The following CTNNA2 variants were observed in gnomAD, a reference collection of about 807,000 sequenced individuals.
CTNNA2 encodes the protein catenin alpha-2.
Under a neutral mutation model 101.0 loss-of-function variants are expected in CTNNA2, and 42 were observed. The ratio of observed to expected loss-of-function variants is 0.42; its 90% CI spans 0.32 to 0.54. The LOEUF is 0.54. Among genes scored for constraint, CTNNA2 ranks in the 20% least tolerant of loss-of-function variants. The pLI is 0.14. For synonymous variants in CTNNA2, 450 were observed against 456.4 expected (o/e 0.99, Z 0.18); for missense variants, 871 against 1,223.1 (o/e 0.71, Z 4.29).
rs187536130 is a variant in CTNNA2 at position 79,294,617 on chromosome 2, A to T, written c.-405-18092A>T. On this transcript the variant is annotated intron_variant, in intron 2 of 21. Transcript: ENST00000466387. ...TACCAAATAGAGACTTTGGGTTAAA[A>T]TATAAGTGGTGTCTATTTTATAGAT... Among the ~76,000 whole-genome samples, 10 of 152,284 alleles carry T rather than the reference A, an allele frequency of 6.6e-5. No homozygotes were observed. The East Asian group carries it at 1.9e-3, about 29-fold the overall frequency.
At chr2:80,342,725 C>T (rs1326755821) in intron 7 of CTNNA2, among the ~76,000 whole-genome samples, 5 of 152,008 alleles carry the variant, frequency 3.3e-5, no homozygotes, top group Admixed American at 1.3e-4. Flanking sequence ...TTTGTTTACT[C>T]ATTTAATGTT....
intron 7 of CTNNA2, among the ~76,000 whole-genome samples, chr2:80,161,132 C>T (rs1444045420): frequency 2.0e-5 from 3 of 152,014 alleles, no homozygotes; most frequent in Non-Finnish European, 2.9e-5. Context: ...GAAACCTCCC[C>T]GCCTCCTGGA....
At chr2:80,092,218 G>C (rs1699834105) in intron 7 of CTNNA2, among the ~76,000 whole-genome samples, 1 of 152,122 alleles carries the variant, frequency 6.6e-6, no homozygotes, top group African/African-American at 2.4e-5. Context: ...GAACAAGGCA[G>C]TTCAGCCGTT....
At chr2:79,909,872 G>C (rs1209537583) in intron 7 of CTNNA2, 75 bp downstream of exon 7, 2 of 1,425,048 alleles carry the variant, frequency 1.4e-6, no homozygotes, top group Non-Finnish European at 1.9e-6. Context: ...TGGAAGCATA[G>C]ATAGCAGGAA....
chr2:80,203,488 G>A (rs1375939390), intron 7 of CTNNA2, among the ~76,000 whole-genome samples: 1 of 152,230 alleles, frequency 6.6e-6, no homozygotes, highest in Non-Finnish European at 1.5e-5. Flanking sequence ...AAATCCAGCA[G>A]GGTAGTTAAA....
chr2:79,328,624 A>C (rs1191335748), intron 3 of CTNNA2, among the ~76,000 whole-genome samples: 1 of 152,176 alleles, frequency 6.6e-6, no homozygotes, highest in Non-Finnish European at 1.5e-5. Flanking sequence ...GAAAAACACT[A>C]TTCAATGAGG....
intron 5 of CTNNA2, among the ~76,000 whole-genome samples, chr2:79,506,091 T>G (rs985256593): frequency 6.6e-6 from 1 of 152,200 alleles, no homozygotes. Flanking sequence ...ATTAGTTCAG[T>G]GGCATTTATA....
chr2:80,321,371 C>T (rs1033607313), intron 7 of CTNNA2, among the ~76,000 whole-genome samples: 3 of 152,108 alleles, frequency 2.0e-5, no homozygotes, highest in African/African-American at 7.2e-5. Context: ...TGAGGATGTT[C>T]TGGACGAAGT....
At chr2:80,191,434 T>C (rs1706494389) in intron 7 of CTNNA2, among the ~76,000 whole-genome samples, 1 of 152,228 alleles carries the variant, frequency 6.6e-6, no homozygotes, top group African/African-American at 2.4e-5. Flanking sequence ...CTAGTTAAGA[T>C]GTAATCCCTG....
At chr2:80,068,295 G>T (rs898352999) in intron 7 of CTNNA2, among the ~76,000 whole-genome samples, 2 of 152,168 alleles carry the variant, frequency 1.3e-5, no homozygotes, top group South Asian at 4.1e-4. Flanking sequence ...TGCACTAAGT[G>T]CTTTGAAGTA....
intron 7 of CTNNA2, among the ~76,000 whole-genome samples, chr2:80,226,249 A>G (rs992348214): frequency 4.6e-5 from 7 of 152,188 alleles, no homozygotes; most frequent in African/African-American, 1.4e-4. Context: ...ATTTCATTCT[A>G]TGTTCAATTA....
rs1400350630 is a variant in CTNNA2, at chr2:79,394,786, AATT to A, written c.-135+20774_-135+20776del. Among the ~76,000 whole-genome samples, 3 of 109,496 alleles carry A rather than the reference AATT, an allele frequency of 2.7e-5. No homozygotes were observed. The Admixed American group carries it at 2.8e-4, about 10-fold the overall frequency. 71.8% of individuals were successfully genotyped at this position (109,496 alleles called of 152,430 possible). Reference sequence around the variant, plus strand: ...AAAGAGCTTTCGTTTTACTTAAAAAAATTTTTTTTGTATGCTAAATGTAAAAAA... The same window carrying A: ...AAAGAGCTTTCGTTTTACTTAAAAAATTTTTTGTATGCTAAATGTAAAAAA... On this transcript the variant is annotated intron_variant, in intron 4 of 21. Coordinates refer to the CTNNA2 transcript ENST00000466387.
At chr2:80,185,269 G>A (rs1373103009) in intron 7 of CTNNA2, among the ~76,000 whole-genome samples, 2 of 152,186 alleles carry the variant, frequency 1.3e-5, no homozygotes, top group East Asian at 3.9e-4. Flanking sequence ...CTGTAGGTCA[G>A]CTCGCAACAT....
Position 80,396,784 on chromosome 2 carries a change from TA to T in CTNNA2, c.1137+3494del, listed in dbSNP as rs753717026. Among the ~76,000 whole-genome samples, 8 of 152,314 alleles carry T rather than the reference TA, an allele frequency of 5.3e-5. No homozygotes were observed. In the Middle Eastern group the frequency reaches 0.01, roughly 194 times the overall value. ...TATGACATTGCAATGTTGCTAAACTTAGCAACTCTTTCACTCCCCAAACAAA... is the reference window on the plus strand; with the variant it reads ...TATGACATTGCAATGTTGCTAAACTTGCAACTCTTTCACTCCCCAAACAAA... On this transcript the variant is annotated intron_variant, in intron 8 of 18. Transcript: ENST00000402739.
chr2:79,649,611 A>C (rs1243991232), intron 1 of CTNNA2, among the ~76,000 whole-genome samples: 4 of 152,208 alleles, frequency 2.6e-5, no homozygotes, highest in Non-Finnish European at 5.9e-5. Flanking sequence ...TGTATATGAC[A>C]GAGCTGCTCT....
chr2:80,305,182 G>A, intron 7 of CTNNA2: 1 of 985,356 alleles, frequency 1.0e-6, no homozygotes, highest in Non-Finnish European at 1.2e-6. Flanking sequence ...GATTTTTGGG[G>A]TTTTTTCCCC....
chr2:79,731,463 C>T (rs1687189302), intron 2 of CTNNA2, among the ~76,000 whole-genome samples: 1 of 152,136 alleles, frequency 6.6e-6, no homozygotes, highest in Non-Finnish European at 1.5e-5. Context: ...TTGATAATCC[C>T]TCTGCAAAAC....
At chr2:79,436,589 C>T (rs1355574673) in intron 4 of CTNNA2, among the ~76,000 whole-genome samples, 1 of 151,996 alleles carries the variant, frequency 6.6e-6, no homozygotes, top group Non-Finnish European at 1.5e-5. Context: ...GTGTAGTCAG[C>T]TCTGGTTTAA....
intron 7 of CTNNA2, among the ~76,000 whole-genome samples, chr2:80,236,925 A>G (rs1047785771): frequency 6.6e-6 from 1 of 152,146 alleles, no homozygotes; most frequent in Non-Finnish European, 1.5e-5. Context: ...GCTTTTTCAA[A>G]CCTCTGTTTT....
Sources: gnomAD v4.1 joint callset for allele counts (sites outside exome capture counted in the v4.1 genomes callset) on GRCh38, gnomAD v4.1.1 for gene constraint, MANE v1.5 for transcripts, NCBI Gene and HGNC (gene_info 2026-07-23, HGNC 2026-07-21) for gene names.